The following SYNJ1 variants were observed in gnomAD, a reference collection of about 807,000 sequenced individuals.
SYNJ1 encodes synaptojanin 1.
SYNJ1 carries 78 observed loss-of-function variants against 168.2 expected under a neutral mutation model. The observed-to-expected ratio is 0.46, with a 90% CI of 0.39 to 0.56. SYNJ1 has a LOEUF of 0.56. Among genes scored for constraint, SYNJ1 ranks in the 20% least tolerant of loss-of-function variants. The pLI is 0.00. For synonymous variants in SYNJ1, 539 were observed against 548.6 expected, an observed-to-expected ratio of 0.98 and a Z score of 0.24; for missense variants, 1,303 against 1,597.6, an observed-to-expected ratio of 0.82 and a Z score of 3.14.
At position 32,657,772 on chromosome 21, in the gene SYNJ1, G is replaced by A. The variant is rs2040515944; in HGVS notation, c.2405C>T (p.Pro802Leu). The change falls in exon 19 of 33, where the codon CCT (proline) becomes CTT (leucine). Residue 802 changes from proline to leucine, a missense_variant. Transcript: ENST00000674351. ...DYDTSEKCRT[P>L]AWTDRVLWRR... is the part of the protein sequence containing the mutation. Reference sequence around the variant, plus strand: ...CCAAAGGACACGGTCTGTCCAGGCAGGGGTGCGGCACTTTTCACTGGTGTC... The same window carrying A: ...CCAAAGGACACGGTCTGTCCAGGCAAGGGTGCGGCACTTTTCACTGGTGTC... 1 of 1,614,038 alleles carries A rather than the reference G, an allele frequency of 6.2e-7. No homozygotes were observed. The highest frequency in any genetic ancestry group is 8.5e-7 in the Non-Finnish European group (1 of 1,180,030).
chr21:32,664,055 C>T (rs2040823141), intron 18 of SYNJ1, among the ~76,000 whole-genome samples: 1 of 152,242 alleles, frequency 6.6e-6, no homozygotes, highest in East Asian at 1.9e-4. Flanking sequence ...AAAATGGTTC[C>T]CAGTGCTAGG....
chr21:32,701,920 A>G (rs750936883), intron 3 of SYNJ1, 41 bp downstream of exon 3: 9 of 1,427,812 alleles, frequency 6.3e-6, no homozygotes. Context: ...TACAAAATAG[A>G]AATGAAAAAA....
intron 13 of SYNJ1, among the ~76,000 whole-genome samples, chr21:32,674,624 T>A (rs545968546): frequency 2.9e-3 from 1 of 350 alleles, no homozygotes; most frequent in African/African-American, 0.01. Flanking sequence ...ATCTCTCCCG[T>A]TTTTTTTTTT....
At chr21:32,719,163 G>A (rs548323850) in intron 2 of SYNJ1, among the ~76,000 whole-genome samples, 64 of 152,332 alleles carry the variant, frequency 4.2e-4, no homozygotes, top group African/African-American at 1.4e-3. Context: ...GATGCCCCAC[G>A]GCACTACAGC....
chr21:32,639,667 C>G lies in SYNJ1; in HGVS notation c.3697+4G>C. ...CCTGCCTCAGCCTCCCAAAGAGGAC[C>G]TACCTTTCGACGTTTCTGATGTTTT... is the stretch of plus-strand genomic sequence containing the variant. On this transcript the variant is annotated splice_donor_region_variant and intron_variant, in intron 30 of 32. Transcript: ENST00000674351. 1 of 1,613,348 alleles carries G rather than the reference C, an allele frequency of 6.2e-7. No homozygotes were observed. The highest frequency in any genetic ancestry group is 8.5e-7 in the Non-Finnish European group (1 of 1,179,676).
chr21:32,639,496 A>C (rs2039732135), intron 30 of SYNJ1, among the ~76,000 whole-genome samples, 175 bp downstream of exon 30: 1 of 152,022 alleles, frequency 6.6e-6, no homozygotes, highest in Non-Finnish European at 1.5e-5. Context: ...GGCTCAAGTG[A>C]TCCTCCCACC....
chr21:32,668,007 ATATGTGTGTGTGTG>A (rs1282415367), intron 15 of SYNJ1, among the ~76,000 whole-genome samples: 5 of 96,088 alleles, frequency 5.2e-5, no homozygotes, highest in East Asian at 3.0e-4. Context: ...AGAAGAATAT[ATATGTGTGTGTGTG>A]TGTGTGTGTG....
At chr21:32,654,536 C>T (rs1398810425) in intron 21 of SYNJ1, among the ~76,000 whole-genome samples, 1 of 152,172 alleles carries the variant, frequency 6.6e-6, no homozygotes, top group Non-Finnish European at 1.5e-5. Context: ...TATGCTGCAC[C>T]AGTCCCCTAA....
At chr21:32,642,520 C>T (rs1274436029) in intron 27 of SYNJ1, among the ~76,000 whole-genome samples, 2 of 152,190 alleles carry the variant, frequency 1.3e-5, no homozygotes, top group African/African-American at 4.8e-5. Context: ...CAAGTGGCTT[C>T]TGAGCAACAG....
chr21:32,649,049 C>G (rs1021560694), intron 23 of SYNJ1, among the ~76,000 whole-genome samples: 7 of 152,214 alleles, frequency 4.6e-5, no homozygotes, highest in Non-Finnish European at 8.8e-5. Context: ...AATTTCAATT[C>G]CTCTGGGAAA....
chr21:32,646,932 C>T (rs146274378), intron 23 of SYNJ1, among the ~76,000 whole-genome samples: 1 of 152,268 alleles, frequency 6.6e-6, no homozygotes, highest in African/African-American at 2.4e-5. Flanking sequence ...TCCTTCCAAA[C>T]CTGTCCACTG....
rs988103969 is a variant in SYNJ1 at position 32,629,183 on chromosome 21, C to G, written c.*2622G>C. ...ATTGCTCACAGATCTGCAATTTGCA[C>G]TAGTGAAGTTTACCTAACAATGAAT... is the stretch of plus-strand genomic sequence containing the variant. On this transcript the variant is annotated 3_prime_UTR_variant, in exon 33 of 33. Transcript: ENST00000674351. The G allele has an allele frequency of 6.6e-6, 1 of 152,598 alleles. No homozygotes were observed. Among genetic ancestry groups the G allele is most frequent in the Non-Finnish European group, 1.5e-5 (1 of 68,022 alleles). The allele number at this position is 152,598 out of a possible 1,614,324, so 9.5% of individuals were successfully genotyped here. A position where few individuals can be genotyped will look rare whatever the true frequency, so the allele number is the denominator to read the frequency against.
intron 14 of SYNJ1, chr21:32,670,658 G>T: frequency 4.0e-6 from 2 of 503,660 alleles, no homozygotes; most frequent in South Asian, 8.5e-5. Context: ...ACCAGGGACA[G>T]CACAGAAACA....
intron 1 of SYNJ1, among the ~76,000 whole-genome samples, 189 bp from the exon 2 acceptor site, chr21:32,727,106 G>A (rs1601563492): frequency 6.6e-6 from 1 of 152,144 alleles, no homozygotes; most frequent in East Asian, 1.9e-4. Flanking sequence ...CAAAAAGCAA[G>A]AGGAAAAGCT....
At chr21:32,678,861 C>G in intron 11 of SYNJ1, 60 bp from the exon 12 acceptor site, 1 of 1,562,760 alleles carries the variant, frequency 6.4e-7, no homozygotes, top group Non-Finnish European at 8.6e-7. Flanking sequence ...TGATTTTACT[C>G]ATTAGGTTTT....
rs1452322225 is a variant in SYNJ1, at chr21:32,685,775, A to G, written c.1091T>C (p.Phe364Ser). The G allele has an allele frequency of 5.0e-6, 8 of 1,607,866 alleles. No homozygotes were observed. Among genetic ancestry groups the G allele is most frequent in the East Asian group, 2.2e-5 (1 of 44,560 alleles). The change falls in exon 9 of 33, where the codon TTT becomes TCT. Residue 364 changes from phenylalanine (F) to serine (S), a missense_variant. Phe to Ser is a radical substitution (Grantham distance 155). This residue lies in a region of SYNJ1 where 920 missense variants were observed against 1,208.8 expected (regional missense o/e 0.76). Coordinates refer to ENST00000674351, the MANE Select transcript of SYNJ1 (RefSeq NM_203446.3). Reference sequence around the variant, plus strand: ...TTGAACTTCACTTCCATTGAAATAAAAAAATCCATAATCTAGAAACTTCTG... The same window carrying G: ...TTGAACTTCACTTCCATTGAAATAAGAAAATCCATAATCTAGAAACTTCTG... ...QVQKFLDYGF[F>S]YFNGSEVQRC...
rs759181930 is a variant in SYNJ1, at chr21:32,657,792, G to C, written c.2385C>G (p.Thr795=). The C allele has an allele frequency of 2.5e-6, 4 of 1,613,982 alleles. No homozygotes were observed. The highest frequency in any genetic ancestry group is 3.4e-6 in the Non-Finnish European group (4 of 1,180,010). Residue 795 remains threonine (T), a synonymous_variant, in exon 19 of 33, where the codon ACC becomes ACG. Transcript: ENST00000674351. The part of the protein sequence containing the change: ...KYDLFSDDYD[T]SEKCRTPAWT... ...AGGCAGGGGTGCGGCACTTTTCACT[G>C]GTGTCATAGTCGTCAGAAAACAAGT...
At chr21:32,726,633 A>T in intron 2 of SYNJ1, 139 bp downstream of exon 2, 1 of 1,135,790 alleles carries the variant, frequency 8.8e-7, no homozygotes, top group Non-Finnish European at 1.2e-6. Flanking sequence ...AAGTTTGATT[A>T]AAAGGAAATA....
chr21:32,725,979 T>C (rs981824809), intron 2 of SYNJ1, among the ~76,000 whole-genome samples: 1 of 152,122 alleles, frequency 6.6e-6, no homozygotes, highest in African/African-American at 2.4e-5. Flanking sequence ...TAGCGGGGAC[T>C]AAAGGGCACA....
Sources: gnomAD v4.1 joint callset for allele counts (sites outside exome capture counted in the v4.1 genomes callset) on GRCh38, gnomAD v4.1.1 for gene constraint, gnomAD v4.1.1 regional missense constraint, MANE v1.5 for transcripts, NCBI Gene and HGNC (gene_info 2026-07-23, HGNC 2026-07-21) for gene names.